F11: variants seen among roughly 807,000 people sequenced by gnomAD.
The protein encoded by F11 is coagualtion factor XI.
In F11, 78 loss-of-function variants were observed where a neutral mutation model predicts 76.5. That is an observed-to-expected ratio of 1.02 (90% CI 0.85 to 1.23). F11 has a LOEUF of 1.23. F11 is among the 50% of genes most tolerant of loss of function. F11 has a pLI of 0.00. For synonymous variants in F11, 278 were observed against 276.3 expected (o/e 1.01, Z -0.06); for missense variants, 742 against 771.4 (o/e 0.96, Z 0.45).
At chr4:186,274,055 T>C in intron 4 of F11, 61 bp from the exon 5 acceptor site, 1 of 1,597,326 alleles carries the variant, frequency 6.3e-7, no homozygotes, top group South Asian at 1.1e-5. Context: ...GGAGGGACAG[T>C]TGCTTAGGTC....
intron 13 of F11, among the ~76,000 whole-genome samples, chr4:186,287,193 C>T (rs888800537): frequency 6.6e-6 from 1 of 151,804 alleles, no homozygotes; most frequent in Non-Finnish European, 1.5e-5. Flanking sequence ...CCAGGATGGT[C>T]TCAATCTCCT....
chr4:186,285,096 G>A (rs936544160), intron 11 of F11, among the ~76,000 whole-genome samples: 27 of 152,162 alleles, frequency 1.8e-4, no homozygotes, highest in Admixed American at 2.0e-4. Flanking sequence ...CAAACTTTCC[G>A]TTTGCTACTT....
Position 186,284,102 on chromosome 4 carries a change from C to G in F11, c.1146C>G (p.Thr382=). ...ATGCTTCTGTTGCAGAGTGTACCACCAAAATCAAGCCCAGGATCGTTGGAG... is the reference window on the plus strand; with the variant it reads ...ATGCTTCTGTTGCAGAGTGTACCACGAAAATCAAGCCCAGGATCGTTGGAG... ...RLCKMDNECT[T]KIKPRIVGGT... Residue 382 remains threonine, a synonymous_variant, in exon 11 of 15, where the codon ACC becomes ACG. Transcript: ENST00000403665. The G allele has an allele frequency of 1.2e-6, 2 of 1,614,210 alleles. No homozygotes were observed. Among genetic ancestry groups the G allele is most frequent in the South Asian group, 2.2e-5 (2 of 91,084 alleles).
intron 6 of F11, 24 bp downstream of exon 6, chr4:186,275,920 G>C: frequency 6.5e-7 from 1 of 1,534,466 alleles, no homozygotes; most frequent in Non-Finnish European, 9.0e-7. Flanking sequence ...TCTTGATGAT[G>C]TAATTCAACC....
At chr4:186,288,408 G>C in intron 14 of F11, 45 bp from the exon 15 acceptor site, 4 of 1,613,190 alleles carry the variant, frequency 2.5e-6, no homozygotes, top group Non-Finnish European at 3.4e-6. Context: ...GATGGGAAGC[G>C]TCTGAGTTGA....
intron 13 of F11, chr4:186,286,730 T>C: frequency 2.0e-6 from 2 of 983,236 alleles, no homozygotes; most frequent in Non-Finnish European, 2.4e-6. Context: ...TAAAGACTAA[T>C]TATATTTAAT....
chr4:186,289,886 T>C (rs1741465770), downstream of F11, among the ~76,000 whole-genome samples: 3 of 152,268 alleles, frequency 2.0e-5, no homozygotes, highest in South Asian at 6.2e-4. Flanking sequence ...TTTCACTATG[T>C]TGGCCAGGCT....
chr4:186,271,698 G>C lies in F11; in HGVS notation c.145G>C (p.Val49Leu). ...FTPSAKYCQVVCTYHPRCLLF... is the reference protein window; with the variant it reads ...FTPSAKYCQVLCTYHPRCLLF... ...ACCAAGCGCCAAGTACTGCCAGGTA[G>C]TCTGCACTTACCACCCAAGATGTTT... is the stretch of plus-strand genomic sequence containing the variant. Residue 49 changes from valine (V) to leucine (L), a missense_variant, in exon 3 of 15, where the codon GTC becomes CTC. Transcript: ENST00000403665. 6.2e-7 allele frequency: 1 copy of C among 1,614,166 alleles called. No individual in the cohort carries two copies. The highest frequency in any genetic ancestry group is 2.2e-5 in the East Asian group (1 of 44,884).
Position 186,276,278 on chromosome 4 carries a change from A to G in F11, c.643A>G (p.Ile215Val), listed in dbSNP as rs768218948. The stretch of plus-strand genomic sequence containing the variant: ...TAATACGGTGTTTGCAGACAGCAAC[A>G]TCGACAGTGTCATGGCTCCCGATGC... ...FPNTVFADSN[I>V]DSVMAPDAFV... Residue 215 changes from isoleucine to valine, a missense_variant, in exon 7 of 15, where the codon ATC becomes GTC. Transcript: ENST00000403665. 1.2e-6 allele frequency: 2 copies of G among 1,614,068 alleles called. No homozygotes were observed. The highest frequency in any genetic ancestry group is 1.7e-6 in the Non-Finnish European group (2 of 1,180,024).
At chr4:186,267,114 A>G in intron 1 of F11, 22 bp from the exon 2 acceptor site, 1 of 1,488,238 alleles carries the variant, frequency 6.7e-7, no homozygotes, top group East Asian at 2.3e-5. Flanking sequence ...TTCTAAAAGC[A>G]TGCACCTTTT....
At position 186,281,948 on chromosome 4, in the gene F11, T is replaced by G. The variant is rs937645531; in HGVS notation, c.1135+1368T>G. On this transcript the variant is annotated intron_variant, in intron 10 of 14. Transcript: ENST00000403665. ...ATGCCTTCCTAGAGCTTAGAGGCGCTCCGATGAAAATCTCTGGATGGCTCA... is the reference window on the plus strand; with the variant it reads ...ATGCCTTCCTAGAGCTTAGAGGCGCGCCGATGAAAATCTCTGGATGGCTCA... The G allele has an allele frequency of 3.1e-6, 4 of 1,282,368 alleles. No individual in the cohort carries two copies. The African/African-American group carries it at 4.6e-5, about 15-fold the overall frequency. The allele number at this position is 1,282,368 out of a possible 1,614,324, so 79.4% of individuals were successfully genotyped here.
intron 10 of F11, among the ~76,000 whole-genome samples, 160 bp downstream of exon 10, chr4:186,280,740 C>A (rs1740737584): frequency 6.6e-6 from 1 of 152,078 alleles, no homozygotes; most frequent in Non-Finnish European, 1.5e-5. Flanking sequence ...CTCAAGCTGA[C>A]CATGTTTTAA....
intron 10 of F11, 76 bp downstream of exon 10, chr4:186,280,656 A>T: frequency 8.0e-7 from 1 of 1,242,630 alleles, no homozygotes; most frequent in Non-Finnish European, 1.2e-6. Flanking sequence ...CAAGACTGTC[A>T]GTTATAGCCA....
intron 10 of F11, among the ~76,000 whole-genome samples, chr4:186,281,458 C>A (rs1740800972): frequency 6.6e-6 from 1 of 152,100 alleles, no homozygotes; most frequent in African/African-American, 2.4e-5. Flanking sequence ...TTACACGAGA[C>A]CTGTAATAAC....
chr4:186,282,478 T>G (rs1332091167), intron 10 of F11: 2 of 985,194 alleles, frequency 2.0e-6, no homozygotes, highest in Non-Finnish European at 2.4e-6. Context: ...ACAATGTAAC[T>G]TAACTTTCTG....
chr4:186,271,479 C>A, intron 2 of F11, 130 bp from the exon 3 acceptor site: 3 of 1,006,374 alleles, frequency 3.0e-6, no homozygotes, highest in Non-Finnish European at 4.7e-6. Flanking sequence ...GTGTTTATTG[C>A]CTTGATTTCC....
At position 186,285,531 on chromosome 4, in the gene F11, T is replaced by C. The variant is rs982002693; in HGVS notation, c.1305-107T>C. 4.5e-5 allele frequency: 53 copies of C among 1,169,696 alleles called. 1 individual carries two copies. In the South Asian group the frequency reaches 6.8e-4, roughly 15 times the overall value. The allele number at this position is 1,169,696 out of a possible 1,614,324, so 72.5% of individuals were successfully genotyped here. A position where few individuals can be genotyped will look rare whatever the true frequency, so the allele number is the denominator to read the frequency against. ...TCACTTTTTTCTACCTAAATGTCCA[T>C]CATTGGCAGAAAATATTAGTAATAA... On this transcript the variant is annotated intron_variant, in intron 11 of 14. Coordinates refer to ENST00000403665, the MANE Select transcript of F11 (RefSeq NM_000128.4).
Position 186,288,685 on chromosome 4 carries a change from G to C in F11, c.*71G>C, listed in dbSNP as rs1220556407. 3 of 1,510,116 alleles carry C rather than the reference G, an allele frequency of 2.0e-6. No homozygotes were observed. Among genetic ancestry groups the C allele is most frequent in the Non-Finnish European group, 2.7e-6 (3 of 1,104,022 alleles). 93.5% of individuals were successfully genotyped at this position (1,510,116 alleles called of 1,614,324 possible). A position where few individuals can be genotyped will look rare whatever the true frequency, so the allele number is the denominator to read the frequency against. The stretch of plus-strand genomic sequence containing the variant: ...GCTGGGAGAGGGTGTTGAGTTCACT[G>C]TGCCAGCATGCTTCCTCCACAGTAA... On this transcript the variant is annotated 3_prime_UTR_variant, in exon 15 of 15. Transcript: ENST00000403665.
chr4:186,274,322 G>T (rs143650122), intron 5 of F11, 47 bp downstream of exon 5: 5 of 1,612,472 alleles, frequency 3.1e-6, no homozygotes, highest in Non-Finnish European at 4.2e-6. Flanking sequence ...AAACAGAATC[G>T]TGATTTACTA....
Sources: gnomAD v4.1 joint callset for allele counts (sites outside exome capture counted in the v4.1 genomes callset) on GRCh38, gnomAD v4.1.1 for gene constraint, MANE v1.5 for transcripts, NCBI Gene and HGNC (gene_info 2026-07-23, HGNC 2026-07-21) for gene names.